CREG2: variants seen among roughly 807,000 people sequenced by gnomAD.
The protein encoded by CREG2 is protein CREG2.
A neutral mutation model predicts 26.2 loss-of-function variants in CREG2; 24 were observed. The observed-to-expected ratio is 0.92, with a 90% CI of 0.66 to 1.29. CREG2 has a LOEUF of 1.29. Among genes scored for constraint, CREG2 ranks in the 50% most tolerant of loss-of-function variants. CREG2 has a pLI of 0.00. For missense variants in CREG2, 366 were observed against 398.6 expected, an observed-to-expected ratio of 0.92 and a Z score of 0.70; for synonymous variants, 174 against 169.2, an observed-to-expected ratio of 1.03 and a Z score of -0.22.
intron 2 of CREG2, among the ~76,000 whole-genome samples, chr2:101,376,882 CCT>C (rs1684799909): frequency 6.6e-6 from 1 of 151,948 alleles, no homozygotes; most frequent in African/African-American, 2.4e-5. Context: ...AGAAAACTTC[CCT>C]CTCGTCAGTA....
At chr2:101,359,629 G>A (rs911697017) in intron 2 of CREG2, among the ~76,000 whole-genome samples, 7 of 152,190 alleles carry the variant, frequency 4.6e-5, no homozygotes, top group African/African-American at 1.7e-4. Flanking sequence ...CGACATTCCT[G>A]GTGGGGGTGG....
intron 3 of CREG2, among the ~76,000 whole-genome samples, chr2:101,352,141 CA>C: frequency 6.6e-6 from 1 of 152,086 alleles, no homozygotes; most frequent in Non-Finnish European, 1.5e-5. Flanking sequence ...CTCAGCCTTC[CA>C]AAGTGCTGGA....
At chr2:101,353,255 T>C (rs1415705775) in intron 3 of CREG2, among the ~76,000 whole-genome samples, 1 of 152,374 alleles carries the variant, frequency 6.6e-6, no homozygotes, top group East Asian at 1.9e-4. Context: ...AGAAGCTCTT[T>C]AGTTTAATTA....
At chr2:101,366,229 A>G (rs1381945115) in intron 2 of CREG2, among the ~76,000 whole-genome samples, 1 of 152,176 alleles carries the variant, frequency 6.6e-6, no homozygotes, top group East Asian at 1.9e-4. Flanking sequence ...CATCTCTTCA[A>G]CAGCCGTTCC....
At chr2:101,377,026 C>G (rs987800224) in intron 2 of CREG2, among the ~76,000 whole-genome samples, 1 of 151,986 alleles carries the variant, frequency 6.6e-6, no homozygotes, top group African/African-American at 2.4e-5. Context: ...AAAGATTAGG[C>G]CCCCCCTTGG....
intron 3 of CREG2, among the ~76,000 whole-genome samples, chr2:101,354,841 C>T (rs995146296): frequency 6.6e-6 from 1 of 152,118 alleles, no homozygotes; most frequent in Non-Finnish European, 1.5e-5. Context: ...GCCCATAAAG[C>T]TGCGTCTAAG....
chr2:101,381,554 C>A (rs528854689), intron 2 of CREG2, among the ~76,000 whole-genome samples: 42 of 152,302 alleles, frequency 2.8e-4, no homozygotes, highest in African/African-American at 8.2e-4. Flanking sequence ...CTTACTAAGG[C>A]CAAACTTGGT....
chr2:101,360,890 A>C (rs1684529167), intron 2 of CREG2, among the ~76,000 whole-genome samples: 1 of 152,226 alleles, frequency 6.6e-6, no homozygotes, highest in African/African-American at 2.4e-5. Context: ...TATCTTTGTA[A>C]AAATAACTGA....
Position 101,345,722 on chromosome 2 carries a change from C to T in CREG2, c.*5201G>A, listed in dbSNP as rs370323637. The T allele has an allele frequency of 3.4e-4, 52 of 152,116 alleles. No individual in the cohort carries two copies. Among genetic ancestry groups the T allele is most frequent in the African/African-American group, 1.2e-3 (49 of 41,494 alleles). 9.4% of individuals were successfully genotyped at this position (152,116 alleles called of 1,614,324 possible). On this transcript the variant is annotated 3_prime_UTR_variant, in exon 4 of 4. Transcript: ENST00000324768. ...TACAATAATTGACTTTCTGTTATAG[C>T]AATCAAATAAGCATCAATAAATTAT...
At chr2:101,357,725 C>T (rs550930432) in intron 2 of CREG2, among the ~76,000 whole-genome samples, 1 of 151,894 alleles carries the variant, frequency 6.6e-6, no homozygotes, top group South Asian at 2.1e-4. Flanking sequence ...TATTATTAAC[C>T]CCTGTTTAGA....
At chr2:101,374,358 C>T (rs1339022704) in intron 2 of CREG2, among the ~76,000 whole-genome samples, 1 of 152,288 alleles carries the variant, frequency 6.6e-6, no homozygotes, top group East Asian at 1.9e-4. Flanking sequence ...GTGTGGGTGA[C>T]AGAGCAAGAC....
chr2:101,368,237 G>A (rs986123636), intron 2 of CREG2, among the ~76,000 whole-genome samples: 1 of 149,962 alleles, frequency 6.7e-6, no homozygotes, highest in African/African-American at 2.5e-5. Flanking sequence ...GCAGTGAGCC[G>A]AGATTGCACC....
At position 101,346,889 on chromosome 2, in the gene CREG2, C is replaced by T. The variant is rs1037902199; in HGVS notation, c.*4034G>A. On this transcript the variant is annotated 3_prime_UTR_variant, in exon 4 of 4. Transcript: ENST00000324768. Reference sequence around the variant, plus strand: ...CTAAACTACAGTACAATATCCCAACCAGGATTTTCACATTGATTTGGTCAA... The same window carrying T: ...CTAAACTACAGTACAATATCCCAACTAGGATTTTCACATTGATTTGGTCAA... 6.6e-6 allele frequency: 1 copy of T among 152,180 alleles called. No individual in the cohort carries two copies. Among genetic ancestry groups the T allele is most frequent in the African/African-American group, 2.4e-5 (1 of 41,440 alleles). The allele number at this position is 152,180 out of a possible 1,614,324, so 9.4% of individuals were successfully genotyped here. A position where few individuals can be genotyped will look rare whatever the true frequency, so the allele number is the denominator to read the frequency against.
chr2:101,376,593 T>C (rs1684794522), intron 2 of CREG2, among the ~76,000 whole-genome samples: 1 of 152,164 alleles, frequency 6.6e-6, no homozygotes, highest in Non-Finnish European at 1.5e-5. Flanking sequence ...AATTTAATCT[T>C]TGAGGAAAAA....
Position 101,347,467 on chromosome 2 carries a change from C to T in CREG2, c.*3456G>A, listed in dbSNP as rs912063610. 1 of 152,146 alleles carries T rather than the reference C, an allele frequency of 6.6e-6. No individual in the cohort carries two copies. The highest frequency in any genetic ancestry group is 1.5e-5 in the Non-Finnish European group (1 of 68,036). The allele number at this position is 152,146 out of a possible 1,614,324, so 9.4% of individuals were successfully genotyped here. A position where few individuals can be genotyped will look rare whatever the true frequency, so the allele number is the denominator to read the frequency against. On this transcript the variant is annotated 3_prime_UTR_variant, in exon 4 of 4. Transcript: ENST00000324768. ...ATGACTGACCCGGTTTATCTGCATC[C>T]TTGTCAGCGTTTGGTGTTATCATTA...
At chr2:101,378,749 A>G (rs74263226) in intron 2 of CREG2, among the ~76,000 whole-genome samples, 3,145 of 152,130 alleles carry the variant, frequency 0.021, 151 homozygotes, top group Admixed American at 0.1. Context: ...TCGCCAACCT[A>G]GCTGGGTGCA....
At position 101,383,534 on chromosome 2, in the gene CREG2, T is replaced by C. The variant is rs757699935; in HGVS notation, c.610A>G (p.Arg204Gly). 6 of 1,613,738 alleles carry C rather than the reference T, an allele frequency of 3.7e-6. No homozygotes were observed. The highest frequency in any genetic ancestry group is 4.2e-6 in the Non-Finnish European group (5 of 1,180,014). ...MLPESEGEFC[R>G]KNIVDPEDPR... ...GAGTGAGGGCAAACCGTCGTCTACC[T>C]GCAGAACTCCCCTTCTGATTCTGGC... The change falls in exon 2 of 4, where the codon AGA becomes GGA. Residue 204 changes from arginine to glycine, a missense_variant and splice_region_variant. Arg to Gly is a moderately radical substitution (Grantham distance 125). Around this residue, in one of 3 missense-constraint regions of CREG2, gnomAD observed 174 missense variants for 178.2 expected, o/e 0.98. Transcript: ENST00000324768.
intron 3 of CREG2, among the ~76,000 whole-genome samples, chr2:101,353,948 C>T (rs1684417638): frequency 6.6e-6 from 1 of 152,114 alleles, no homozygotes; most frequent in South Asian, 2.1e-4. Context: ...GGGAACATCA[C>T]ACACCCGGGG....
At chr2:101,386,599 C>A (rs894140765) in intron 1 of CREG2, among the ~76,000 whole-genome samples, 1 of 152,190 alleles carries the variant, frequency 6.6e-6, no homozygotes, top group Non-Finnish European at 1.5e-5. Context: ...AGCTCCAGGT[C>A]AGAAGGTGAT....
Sources: gnomAD v4.1 joint callset for allele counts (sites outside exome capture counted in the v4.1 genomes callset) on GRCh38, gnomAD v4.1.1 for gene constraint, gnomAD v4.1.1 regional missense constraint, MANE v1.5 for transcripts, NCBI Gene and HGNC (gene_info 2026-07-23, HGNC 2026-07-21) for gene names.